Variants in FRMPD3 observed in about 807,000 individuals in gnomAD.
The protein encoded by FRMPD3 is FERM and PDZ domain containing 3, also known as FERM and PDZ domain-containing protein 3.
In FRMPD3, 42 loss-of-function variants were observed where a neutral mutation model predicts 97.9. The ratio of observed to expected loss-of-function variants is 0.43; its 90% CI spans 0.34 to 0.55. FRMPD3 has a LOEUF of 0.55. Ranked by LOEUF, FRMPD3 falls within the 20% of genes least tolerant of loss-of-function variation. FRMPD3 has a pLI of 0.03. For synonymous variants in FRMPD3, 577 were observed against 581.1 expected (o/e 0.99, Z 0.10); for missense variants, 1,303 against 1,457.7 (o/e 0.89, Z 1.73).
chrX:107,505,857 G>A (rs1355670195), intron 1 of FRMPD3, among the ~76,000 whole-genome samples: 4 of 112,262 alleles, frequency 3.6e-5, no homozygotes, highest in East Asian at 5.6e-4. Flanking sequence ...AAAGGAATGG[G>A]TGGTGTGAGT....
Position 107,572,662 on chromosome X carries a change from C to A in FRMPD3, c.1297-3653C>A, listed in dbSNP as rs774944528. On this transcript the variant is annotated intron_variant, in intron 12 of 14. Coordinates refer to ENST00000683843, the MANE Select transcript of FRMPD3 (RefSeq NM_001388459.1). The stretch of plus-strand genomic sequence containing the variant: ...CTGAGACAGGAGAATCGCTTGAACC[C>A]AGGAGGCAGAGGCTGCAGTGAGCCG... 4.5e-5 allele frequency among the ~76,000 whole-genome samples: 5 copies of A among 110,198 alleles called. No individual in the cohort carries two copies. The South Asian group carries it at 2.0e-3, about 43-fold the overall frequency.
chrX:107,503,252 A>G (rs1026325780), intron 1 of FRMPD3, among the ~76,000 whole-genome samples: 19 of 112,465 alleles, frequency 1.7e-4, no homozygotes, highest in African/African-American at 6.1e-4. Context: ...CCATGCCTAC[A>G]CAGTGCCATG....
chrX:107,527,553 A>G (rs1472154741), intron 2 of FRMPD3, among the ~76,000 whole-genome samples: 1 of 111,918 alleles, frequency 8.9e-6, no homozygotes, highest in Non-Finnish European at 1.9e-5. Context: ...AGCCCCACCT[A>G]AGCTATGAAG....
chrX:107,577,605 C>G (rs754252846), intron 13 of FRMPD3, among the ~76,000 whole-genome samples: 24 of 110,158 alleles, frequency 2.2e-4, no homozygotes, highest in African/African-American at 7.9e-4. Context: ...GCCGAGATCC[C>G]GCCTTTTTAC....
intron 5 of FRMPD3, among the ~76,000 whole-genome samples, chrX:107,549,398 G>T (rs931040485): frequency 1.8e-5 from 2 of 112,016 alleles, no homozygotes; most frequent in African/African-American, 6.5e-5. Context: ...TGTGCTACTG[G>T]CACTTCATGT....
intron 1 of FRMPD3, among the ~76,000 whole-genome samples, chrX:107,520,947 G>A (rs756262447): frequency 3.7e-4 from 42 of 112,008 alleles, no homozygotes; most frequent in African/African-American, 1.3e-3. Flanking sequence ...AATGGCAGCT[G>A]ATATTATTGT....
chrX:107,515,064 G>C (rs997545902), intron 1 of FRMPD3, among the ~76,000 whole-genome samples: 1 of 111,928 alleles, frequency 8.9e-6, no homozygotes, highest in African/African-American at 3.2e-5. Context: ...ATTCCTGTGA[G>C]GCATAAAATT....
In FRMPD3 at chrX:107,604,876, G is replaced by C. The variant is rs1924758935; in HGVS notation, c.*1503G>C. 1.8e-5 allele frequency: 2 copies of C among 110,614 alleles called. No individual in the cohort carries two copies. Among genetic ancestry groups the C allele is most frequent in the South Asian group, 3.9e-4 (1 of 2,581 alleles). 9.1% of individuals were successfully genotyped at this position (110,614 alleles called of 1,213,427 possible). ...CCCTAGTGCAATAAAGTCTCCCTGAGTGGTGAGTTCTCCCGGCAAGGAGGA... is the reference window on the plus strand; with the variant it reads ...CCCTAGTGCAATAAAGTCTCCCTGACTGGTGAGTTCTCCCGGCAAGGAGGA... On this transcript the variant is annotated 3_prime_UTR_variant, in exon 15 of 15. Transcript: ENST00000683843.
chrX:107,553,831 T>C (rs1376121495), intron 7 of FRMPD3, among the ~76,000 whole-genome samples: 1 of 111,507 alleles, frequency 9.0e-6, no homozygotes, highest in East Asian at 2.8e-4. Context: ...CCAAATGGGA[T>C]TTTAAACTTT....
intron 10 of FRMPD3, 99 bp from the exon 11 acceptor site, chrX:107,563,012 G>A (rs1922439419): frequency 1.7e-6 from 1 of 592,274 alleles, no homozygotes; most frequent in Non-Finnish European, 2.8e-6. Flanking sequence ...TTGCTGACTG[G>A]TGCCTGTCCT....
intron 1 of FRMPD3, among the ~76,000 whole-genome samples, chrX:107,468,749 T>C (rs772813408): frequency 2.0e-3 from 221 of 112,664 alleles, no homozygotes; most frequent in Non-Finnish European, 3.7e-3. Context: ...TCTGGCTCAG[T>C]GCAGTGCATG....
chrX:107,553,293 G>A (rs1176551388), intron 7 of FRMPD3, among the ~76,000 whole-genome samples: 1 of 107,727 alleles, frequency 9.3e-6, no homozygotes, highest in Non-Finnish European at 1.9e-5. Context: ...TGTTATGGAA[G>A]GGTCAGGGAG....
In FRMPD3 at chrX:107,602,093, A is replaced by G. The variant is rs762793414; in HGVS notation, c.4054A>G (p.Ile1352Val). 3.3e-6 allele frequency: 4 copies of G among 1,207,473 alleles called. No homozygotes were observed. The highest frequency in any genetic ancestry group is 3.6e-5 in the South Asian group (2 of 56,126). The change falls in exon 15 of 15, where the codon ATT becomes GTT. Residue 1352 changes from isoleucine to valine, a missense_variant. Ile to Val is a conservative substitution (Grantham distance 29, BLOSUM62 3). Around this residue, in one of 3 missense-constraint regions of FRMPD3, gnomAD observed 764 missense variants for 820.2 expected, o/e 0.93. Coordinates refer to ENST00000683843, the MANE Select transcript of FRMPD3 (RefSeq NM_001388459.1). Reference sequence around the variant, plus strand: ...CAGCAGCCCCATCAATGTCCAGCGCATTCGTTCTACCAGCCTGGAGTCCCG... The same window carrying G: ...CAGCAGCCCCATCAATGTCCAGCGCGTTCGTTCTACCAGCCTGGAGTCCCG... ...SLSSPINVQR[I>V]RSTSLESREC... is the part of the protein sequence containing the mutation.
chrX:107,456,784 C>T (rs1201035524), intron 1 of FRMPD3, among the ~76,000 whole-genome samples: 1 of 112,448 alleles, frequency 8.9e-6, no homozygotes, highest in Non-Finnish European at 1.9e-5. Context: ...ACAATTCCCA[C>T]ATTCTGGTTT....
At chrX:107,573,798 C>G (rs1923002828) in intron 12 of FRMPD3, among the ~76,000 whole-genome samples, 1 of 112,457 alleles carries the variant, frequency 8.9e-6, no homozygotes, top group Non-Finnish European at 1.9e-5. Flanking sequence ...TGATCCAACA[C>G]AAGACTGTGT....
chrX:107,511,103 G>A (rs1922153457), intron 1 of FRMPD3, among the ~76,000 whole-genome samples: 1 of 112,312 alleles, frequency 8.9e-6, no homozygotes, highest in Admixed American at 9.4e-5. Flanking sequence ...CCCCAAAGGG[G>A]CATGGGAGTT....
intron 1 of FRMPD3, among the ~76,000 whole-genome samples, chrX:107,468,182 C>T (rs1192278692): frequency 8.9e-6 from 1 of 111,964 alleles, no homozygotes; most frequent in Non-Finnish European, 1.9e-5. Flanking sequence ...AACATTGAGG[C>T]ATGGGCAAGA....
intron 7 of FRMPD3, 64 bp downstream of exon 7, chrX:107,552,990 T>A (rs1921929058): frequency 1.9e-6 from 2 of 1,078,001 alleles, no homozygotes; most frequent in South Asian, 4.4e-5. Flanking sequence ...CCCAAGGCAC[T>A]CCCTGTCTGG....
chrX:107,585,116 C>T (rs1415554716), intron 13 of FRMPD3, among the ~76,000 whole-genome samples: 4 of 111,287 alleles, frequency 3.6e-5, no homozygotes, highest in Non-Finnish European at 7.5e-5. Context: ...CTCTCATTTC[C>T]TTGAGCAGTG....
Sources: gnomAD v4.1 joint callset for allele counts (sites outside exome capture counted in the v4.1 genomes callset) on GRCh38, gnomAD v4.1.1 for gene constraint, gnomAD v4.1.1 regional missense constraint, MANE v1.5 for transcripts, NCBI Gene and HGNC (gene_info 2026-07-23, HGNC 2026-07-21) for gene names.